Variants in ANK2 observed in about 807,000 individuals in gnomAD.
ANK2 encodes ankyrin 2.
ANK2 carries 83 observed loss-of-function variants against 360.5 expected under a neutral mutation model. That is an observed-to-expected ratio of 0.23 (90% CI 0.19 to 0.28). ANK2 has a LOEUF of 0.28. Among genes scored for constraint, ANK2 ranks in the 10% least tolerant of loss-of-function variants. The probability of loss-of-function intolerance (pLI) is 1.00; values close to 1 mark genes in which losing one functional copy is unlikely to be tolerated. For synonymous variants in ANK2, 1,740 were observed against 1,759.5 expected (o/e 0.99, Z 0.28); for missense variants, 4,201 against 4,795.7 (o/e 0.88, Z 3.66).
rs2154047844 is a variant in ANK2 at position 113,363,486 on chromosome 4, A to G, written c.10888+17A>G. 6.2e-7 allele frequency: 1 copy of G among 1,612,998 alleles called. No homozygotes were observed. The highest frequency in any genetic ancestry group is 8.5e-7 in the Non-Finnish European group (1 of 1,179,266). On this transcript the variant is annotated intron_variant, in intron 40 of 45. Coordinates refer to ENST00000357077, the MANE Select transcript of ANK2 (RefSeq NM_001148.6). ...ATGCTACAGGTAAGTGGGGAACTAT[A>G]TGCATATTGGGCTAAAGTTGGACAT...
At chr4:112,924,952 C>T (rs1301253693) in intron 2 of ANK2, among the ~76,000 whole-genome samples, 1 of 151,666 alleles carries the variant, frequency 6.6e-6, no homozygotes, top group African/African-American at 2.4e-5. Context: ...AATCCTACTG[C>T]CTCAGCCTCC....
At chr4:113,031,424 A>T (rs1292769667) in intron 2 of ANK2, 1 of 152,084 alleles carries the variant, frequency 6.6e-6, no homozygotes, top group Non-Finnish European at 1.5e-5. Flanking sequence ...TAATGGGCAG[A>T]TGGGCTGACT....
chr4:112,980,090 G>GCCCTCAGCCACTCCCCTGGC (rs2042669066), intron 2 of ANK2: 2 of 152,250 alleles, frequency 1.3e-5, no homozygotes, highest in Admixed American at 6.6e-5. Context: ...AGGCAGAGCT[G>GCCCTCAGCCACTCCCCTGGC]CCCTCAGCCA....
intron 45 of ANK2, among the ~76,000 whole-genome samples, chr4:113,379,484 C>T (rs1174081904): frequency 6.6e-6 from 1 of 152,176 alleles, no homozygotes; most frequent in African/African-American, 2.4e-5. Flanking sequence ...CATTGGCCTA[C>T]ATTTGCCTAC....
chr4:112,913,841 G>A lies in ANK2; in HGVS notation c.21+9327G>A, dbSNP rs139945651. On this transcript the variant is annotated intron_variant, in intron 2 of 30. Coordinates refer to the ANK2 transcript ENST00000503271. The stretch of plus-strand genomic sequence containing the variant: ...TTATAAAAATGAGTCAATTTGCCAT[G>A]GAATTTAGATAAATACAGCATTTTG... Among the ~76,000 whole-genome samples, 925 of 152,072 alleles carry A rather than the reference G, an allele frequency of 6.1e-3. 9 individuals carry two copies. Among genetic ancestry groups the A allele is most frequent in the African/African-American group, 0.021 (881 of 41,478 alleles).
chr4:113,363,039 A>T (rs2096314128), intron 39 of ANK2, among the ~76,000 whole-genome samples: 2 of 152,192 alleles, frequency 1.3e-5, no homozygotes, highest in Non-Finnish European at 2.9e-5. Context: ...AGTATTAATG[A>T]TCTCATTTGC....
intron 2 of ANK2, among the ~76,000 whole-genome samples, chr4:113,015,198 T>A (rs2036606): frequency 0.56 from 84,883 of 152,006 alleles, 25,565 homozygotes; most frequent in Non-Finnish European, 0.69. Context: ...GTTTAAAGAT[T>A]TTGTTAGAAA....
intron 1 of ANK2, among the ~76,000 whole-genome samples, chr4:112,893,904 C>T (rs568593115): frequency 1.3e-5 from 2 of 152,052 alleles, no homozygotes; most frequent in Admixed American, 6.5e-5. Flanking sequence ...GGCTGAGGCA[C>T]GAGAATTGCT....
intron 1 of ANK2, among the ~76,000 whole-genome samples, chr4:112,884,719 T>C (rs2077762230): frequency 6.6e-6 from 1 of 152,204 alleles, no homozygotes; most frequent in Non-Finnish European, 1.5e-5. Flanking sequence ...TGCTTACATA[T>C]ATTTTGCTTA....
chr4:112,871,276 C>A (rs772374504), intron 1 of ANK2, among the ~76,000 whole-genome samples: 1 of 151,844 alleles, frequency 6.6e-6, no homozygotes, highest in African/African-American at 2.4e-5. Context: ...ATCTCCGTCT[C>A]CTGGGTTCAA....
chr4:113,078,874 G>A (rs1297916551), intron 1 of ANK2, among the ~76,000 whole-genome samples: 1 of 152,128 alleles, frequency 6.6e-6, no homozygotes, highest in Non-Finnish European at 1.5e-5. Flanking sequence ...AACTAGTAGA[G>A]TTACTTTCTT....
At chr4:113,303,190 T>G (rs2153795734) in intron 23 of ANK2, among the ~76,000 whole-genome samples, 1 of 152,278 alleles carries the variant, frequency 6.6e-6, no homozygotes, top group South Asian at 2.1e-4. Flanking sequence ...TTAAAAAATC[T>G]TTTTTTATTC....
At chr4:113,045,714 CA>C (rs541495581), upstream of ANK2, among the ~76,000 whole-genome samples, 93 of 152,256 alleles carry the variant, frequency 6.1e-4, no homozygotes, top group African/African-American at 2.1e-3. Flanking sequence ...TTATAAAATG[CA>C]AATGTAAGGT....
At chr4:113,007,067 A>G (rs2053130094) in intron 2 of ANK2, among the ~76,000 whole-genome samples, 1 of 152,186 alleles carries the variant, frequency 6.6e-6, no homozygotes, top group South Asian at 2.1e-4. Flanking sequence ...TATGCCATCC[A>G]TTGCTTTTCC....
In ANK2 at chr4:113,280,538, C is replaced by T. The variant is rs114668215; in HGVS notation, c.1881+1980C>T. 5.7e-3 allele frequency among the ~76,000 whole-genome samples: 862 copies of T among 152,246 alleles called. 7 individuals are homozygous for T. Among genetic ancestry groups the T allele is most frequent in the African/African-American group, 0.02 (817 of 41,534 alleles). ...TAGAGGGCTCCAGATGGTAAGATCCCCACTGTAGTCTCCACTTTAGACTCT... is the reference window on the plus strand; with the variant it reads ...TAGAGGGCTCCAGATGGTAAGATCCTCACTGTAGTCTCCACTTTAGACTCT... On this transcript the variant is annotated intron_variant, in intron 17 of 45. Coordinates refer to ENST00000357077, the MANE Select transcript of ANK2 (RefSeq NM_001148.6).
chr4:112,960,267 G>GACA (rs1463630167), intron 2 of ANK2, among the ~76,000 whole-genome samples: 1 of 151,976 alleles, frequency 6.6e-6, no homozygotes, highest in Non-Finnish European at 1.5e-5. Context: ...TTGGGGTCTG[G>GACA]TTGTCTAGAT....
chr4:112,812,144 A>G, the ANK2 span, among the ~76,000 whole-genome samples: 1 of 151,814 alleles, frequency 6.6e-6, no homozygotes, highest in African/African-American at 2.4e-5. Context: ...AAAAGAAAGA[A>G]TTCATACTTA....
intron 1 of ANK2, among the ~76,000 whole-genome samples, chr4:113,077,484 A>G (rs1266592934): frequency 6.6e-6 from 1 of 152,242 alleles, no homozygotes; most frequent in Non-Finnish European, 1.5e-5. Flanking sequence ...GGGTTGTTTT[A>G]AGAGTGGTTC....
At chr4:112,837,474 AG>A (rs1444621798) in intron 1 of ANK2, among the ~76,000 whole-genome samples, 1 of 152,262 alleles carries the variant, frequency 6.6e-6, no homozygotes, top group Non-Finnish European at 1.5e-5. Flanking sequence ...AGCTCTGCCT[AG>A]TGAAGCTGTG....
Sources: allele counts gnomAD v4.1 joint callset (sites outside exome capture counted in the v4.1 genomes callset), GRCh38; gene constraint gnomAD v4.1.1; transcripts MANE v1.5; gene names NCBI Gene and HGNC (gene_info 2026-07-23, HGNC 2026-07-21).